IRAK2: variants seen among roughly 807,000 people sequenced by gnomAD.
IRAK2 encodes interleukin-1 receptor-associated kinase-like 2.
IRAK2 carries 57 observed loss-of-function variants against 72.0 expected under a neutral mutation model. That is an observed-to-expected ratio of 0.79 (90% confidence interval 0.64 to 0.99). The LOEUF (loss-of-function observed/expected upper bound fraction) is 0.99. Among genes scored for constraint, IRAK2 ranks in the 50% least tolerant of loss-of-function variants. IRAK2 has a pLI of 0.00. For missense variants in IRAK2, 790 were observed against 794.4 expected (o/e 0.99, Z 0.07); for synonymous variants, 293 against 312.7 (o/e 0.94, Z 0.67).
intron 1 of IRAK2, among the ~76,000 whole-genome samples, chr3:10,176,074 T>A (rs1222127920): frequency 6.7e-6 from 1 of 148,534 alleles, no homozygotes; most frequent in Non-Finnish European, 1.5e-5. Context: ...TGTTTTTTTT[T>A]TTTTTTTTTT....
chr3:10,209,165 C>G (rs760227154), intron 3 of IRAK2, among the ~76,000 whole-genome samples: 3 of 152,154 alleles, frequency 2.0e-5, no homozygotes, highest in Non-Finnish European at 2.9e-5. Flanking sequence ...TTACTGCATC[C>G]CTGCCCTGGT....
rs369233245 is a variant in IRAK2 at position 10,213,810 on chromosome 3, ATTC to A, written c.788+267_788+269del. Among the ~76,000 whole-genome samples, 481 of 152,272 alleles carry A rather than the reference ATTC, an allele frequency of 3.2e-3. 1 individual carries two copies. Among genetic ancestry groups the A allele is most frequent in the Non-Finnish European group, 5.5e-3 (377 of 68,024 alleles). On this transcript the variant is annotated intron_variant, in intron 6 of 12. Coordinates refer to ENST00000256458, the MANE Select transcript of IRAK2 (RefSeq NM_001570.4). ...TCTACCTGGTTTGGCTCCAGAGTCC[ATTC>A]TTCTCCTGTGTAGCAATTCTATGTG...
intron 2 of IRAK2, among the ~76,000 whole-genome samples, chr3:10,186,978 T>C (rs1697086034): frequency 6.6e-6 from 1 of 150,876 alleles, no homozygotes; most frequent in Admixed American, 6.6e-5. Context: ...TTTTTTTTTT[T>C]TTTTCAGATT....
chr3:10,177,892 G>A lies in IRAK2; in HGVS notation c.149G>A (p.Arg50Gln), dbSNP rs375209770. ...CTGCGGAAGATCAAGTCCATGGAGC[G>A]GGTGCAGGGTGTGAGCATCACGCGG... ...TQLRKIKSME[R>Q]VQGVSITREL... is the part of the protein sequence containing the mutation. The change falls in exon 2 of 13, where the codon CGG becomes CAG. Residue 50 changes from arginine to glutamine, a missense_variant. By Grantham distance (43) the Arg-to-Gln change is conservative. Transcript: ENST00000256458. The A allele has an allele frequency of 9.0e-5, 145 of 1,613,682 alleles. 1 individual carries two copies. Among genetic ancestry groups the A allele is most frequent in the South Asian group, 8.8e-4 (80 of 91,086 alleles).
At chr3:10,210,704 C>A (rs1164883262) in intron 4 of IRAK2, among the ~76,000 whole-genome samples, 2 of 151,990 alleles carry the variant, frequency 1.3e-5, no homozygotes, top group African/African-American at 4.8e-5. Flanking sequence ...CTAGGCAACA[C>A]AGGGAGGCCC....
At chr3:10,190,926 AAG>A (rs2125148014) in intron 2 of IRAK2, among the ~76,000 whole-genome samples, 1 of 152,258 alleles carries the variant, frequency 6.6e-6, no homozygotes, top group South Asian at 2.1e-4. Flanking sequence ...GTGGCTGGGG[AAG>A]AGAGGGTTGG....
chr3:10,213,154 C>T, intron 4 of IRAK2, 53 bp from the exon 5 acceptor site: 2 of 1,472,824 alleles, frequency 1.4e-6, no homozygotes, highest in South Asian at 2.3e-5. Context: ...CTTGAGGTAG[C>T]AGAGAAAACG....
chr3:10,216,808 G>A, intron 6 of IRAK2, 126 bp from the exon 7 acceptor site: 1 of 701,316 alleles, frequency 1.4e-6, no homozygotes, highest in South Asian at 1.7e-5. Context: ...AGGGGTCAGA[G>A]TATGTGGTAC....
chr3:10,192,294 G>T (rs1284638803), intron 2 of IRAK2, among the ~76,000 whole-genome samples: 2 of 152,052 alleles, frequency 1.3e-5, no homozygotes, highest in Non-Finnish European at 1.5e-5. Context: ...AAGGGTTGGG[G>T]GGAATTTCCA....
intron 7 of IRAK2, among the ~76,000 whole-genome samples, chr3:10,217,917 A>G (rs1697628638): frequency 6.6e-6 from 1 of 152,202 alleles, no homozygotes; most frequent in Admixed American, 6.5e-5. Flanking sequence ...GCCGTGCCAC[A>G]ACCAAAGCAA....
chr3:10,227,691 C>T (rs985743309), intron 10 of IRAK2, among the ~76,000 whole-genome samples: 10 of 137,334 alleles, frequency 7.3e-5, no homozygotes, highest in East Asian at 2.7e-4. Flanking sequence ...GTTTTTGAGA[C>T]GGAGTCTTGC....
intron 10 of IRAK2, 44 bp from the exon 11 acceptor site, chr3:10,234,415 G>GCTC: frequency 6.4e-7 from 1 of 1,566,276 alleles, no homozygotes; most frequent in Non-Finnish European, 8.8e-7. Context: ...GGCTCTCGCA[G>GCTC]CTCTGCAGCT....
chr3:10,223,490 G>A (rs371315124), intron 9 of IRAK2, among the ~76,000 whole-genome samples: 5 of 152,222 alleles, frequency 3.3e-5, no homozygotes, highest in South Asian at 4.1e-4. Flanking sequence ...CAGTTCCTTC[G>A]GACCTCTAGG....
At chr3:10,200,778 G>A (rs1006760051) in intron 3 of IRAK2, among the ~76,000 whole-genome samples, 1 of 152,154 alleles carries the variant, frequency 6.6e-6, no homozygotes, top group Non-Finnish European at 1.5e-5. Flanking sequence ...CATGCACCTG[G>A]TAGTCCCAGC....
At chr3:10,176,645 T>C (rs1696879334) in intron 1 of IRAK2, among the ~76,000 whole-genome samples, 1 of 136,340 alleles carries the variant, frequency 7.3e-6, no homozygotes, top group South Asian at 2.4e-4. Flanking sequence ...GCCCGGCTAA[T>C]TTTTTGTATT....
intron 10 of IRAK2, among the ~76,000 whole-genome samples, chr3:10,233,182 T>C (rs776516): frequency 0.61 from 93,334 of 151,886 alleles, 29,010 homozygotes; most frequent in East Asian, 0.77. Flanking sequence ...CCCGAGTACC[T>C]GGGACTATAG....
Position 10,189,110 on chromosome 3 carries a change from C to A in IRAK2, c.277+11090C>A, listed in dbSNP as rs573842069. Among the ~76,000 whole-genome samples the A allele has an allele frequency of 1.2e-4, 18 of 152,330 alleles. 1 individual carries two copies. In the South Asian group the frequency reaches 3.5e-3, roughly 30 times the overall value. On this transcript the variant is annotated intron_variant, in intron 2 of 12. Coordinates refer to ENST00000256458, the MANE Select transcript of IRAK2 (RefSeq NM_001570.4). ...ACACACAGATGCATGTCACCCACTG[C>A]AGTATGAGTGCTCAAAGGATAAATG...
At position 10,212,291 on chromosome 3, in the gene IRAK2, G is replaced by GT. The variant is rs200593512; in HGVS notation, c.529-908dup. On this transcript the variant is annotated intron_variant, in intron 4 of 12. Transcript: ENST00000256458. ...TGTAAAGTTTCTTAAAACATTATGA[G>GT]TTTTTTTTGCAATTTTTTTTTTAAA... Among the ~76,000 whole-genome samples the GT allele has an allele frequency of 1.7e-3, 265 of 151,592 alleles. 6 individuals carry two copies. The South Asian group carries it at 0.043, about 25-fold the overall frequency.
chr3:10,164,944 C>T lies in IRAK2; in HGVS notation c.-11C>T, dbSNP rs746846013. 3.8e-6 allele frequency: 6 copies of T among 1,599,732 alleles called. No homozygotes were observed. Among genetic ancestry groups the T allele is most frequent in the South Asian group, 1.1e-5 (1 of 89,684 alleles). On this transcript the variant is annotated 5_prime_UTR_variant, in exon 1 of 13. Transcript: ENST00000256458. ...AGTCGTCCCGCGCCGGAGCCGGCCC[C>T]GTAGCGTGCCATGGCCTGCTACATC...
Sources: gnomAD v4.1 joint callset for allele counts (sites outside exome capture counted in the v4.1 genomes callset) on GRCh38, gnomAD v4.1.1 for gene constraint, MANE v1.5 for transcripts, NCBI Gene and HGNC (gene_info 2026-07-23, HGNC 2026-07-21) for gene names.